The following PCDHB8 variants were observed in gnomAD, a reference collection of about 807,000 sequenced individuals.
PCDHB8 encodes the protein protocadherin beta-8.
For synonymous variants in PCDHB8, 385 were observed against 448.5 expected, an observed-to-expected ratio of 0.86 and a Z score of 1.79; for missense variants, 836 against 1,004.0, an observed-to-expected ratio of 0.83 and a Z score of 2.26.
rs1442377535 is a variant in PCDHB8 at position 141,180,539 on chromosome 5, A to G, written c.*99A>G. On this transcript the variant is annotated 3_prime_UTR_variant, in exon 1 of 1. Coordinates refer to ENST00000239444, the MANE Select transcript of PCDHB8 (RefSeq NM_019120.5). ...TTTAAATTACACTACATTTGCCCATAGTATTTGTCTTGTTTTCACTGTTTT... is the reference window on the plus strand; with the variant it reads ...TTTAAATTACACTACATTTGCCCATGGTATTTGTCTTGTTTTCACTGTTTT... 1.6e-5 allele frequency: 15 copies of G among 936,604 alleles called. No individual in the cohort carries two copies. The highest frequency in any genetic ancestry group is 2.3e-5 in the Non-Finnish European group (15 of 655,294). The allele number at this position is 936,604 out of a possible 1,614,324, so 58.0% of individuals were successfully genotyped here. A position where few individuals can be genotyped will look rare whatever the true frequency, so the allele number is the denominator to read the frequency against.
In PCDHB8 at chr5:141,179,774, G is replaced by A. The variant is rs782215919; in HGVS notation, c.1740G>A (p.Ala580=). 6.2e-7 allele frequency: 1 copy of A among 1,610,756 alleles called. No individual in the cohort carries two copies. Among genetic ancestry groups the A allele is most frequent in the African/African-American group, 1.3e-5 (1 of 74,862 alleles). ...CCTGCACCGAGCTGGTGCCCCGGGC[G>A]GCCGAGCCGGGCTACCTGGTGACCA... ...SAPCTELVPR[A]AEPGYLVTKV... The change falls in exon 1 of 1, where the codon GCG becomes GCA. Residue 580 remains alanine, a synonymous_variant. Coordinates refer to ENST00000239444, the MANE Select transcript of PCDHB8 (RefSeq NM_019120.5).
chr5:141,180,138 T>C lies in PCDHB8; in HGVS notation c.2104T>C (p.Phe702Leu), dbSNP rs17844508. 6.2e-7 allele frequency: 1 copy of C among 1,611,470 alleles called. No homozygotes were observed. The highest frequency in any genetic ancestry group is 8.5e-7 in the Non-Finnish European group (1 of 1,179,866). Residue 702 changes from phenylalanine (F) to leucine (L), a missense_variant, in exon 1 of 1, where the codon TTC becomes CTC. Phe to Leu is a conservative substitution (Grantham distance 22, BLOSUM62 0). Transcript: ENST00000239444. ...VVALASVSSL[F>L]LFSVLLFVAV... is the part of the protein sequence containing the mutation. ...GGCGTTGGCCTCGGTGTCTTCGCTC[T>C]TCCTCTTCTCGGTGCTCCTGTTCGT...
At position 141,180,204 on chromosome 5, in the gene PCDHB8, G is replaced by A. The variant is rs782123508; in HGVS notation, c.2170G>A (p.Gly724Ser). Reference sequence around the variant, plus strand: ...TAGGAGGAGCAGGGCGGCCTCGGTGGGTCGCTGCTCAGTGCCTGAGGGCCC... The same window carrying A: ...TAGGAGGAGCAGGGCGGCCTCGGTGAGTCGCTGCTCAGTGCCTGAGGGCCC... ...LCRRSRAASV[G>S]RCSVPEGPFP... is the part of the protein sequence containing the mutation. Residue 724 changes from glycine (G) to serine (S), a missense_variant, in exon 1 of 1, where the codon GGT becomes AGT. Gly to Ser is a moderately conservative substitution (Grantham distance 56, BLOSUM62 0). Coordinates refer to ENST00000239444, the MANE Select transcript of PCDHB8 (RefSeq NM_019120.5). The A allele has an allele frequency of 1.1e-5, 17 of 1,612,566 alleles. No homozygotes were observed. The highest frequency in any genetic ancestry group is 8.3e-5 in the Admixed American group (5 of 59,978).
At position 141,180,249 on chromosome 5, in the gene PCDHB8, G is replaced by C. The variant is rs782299140; in HGVS notation, c.2215G>C (p.Asp739His). 122 of 1,613,604 alleles carry C rather than the reference G, an allele frequency of 7.6e-5. No individual in the cohort carries two copies. Among genetic ancestry groups the C allele is most frequent in the Middle Eastern group, 1.7e-4 (1 of 5,756 alleles). Residue 739 changes from aspartate to histidine, a missense_variant, in exon 1 of 1, where the codon GAC (aspartate) becomes CAC (histidine). Coordinates refer to ENST00000239444, the MANE Select transcript of PCDHB8 (RefSeq NM_019120.5). Reference protein sequence around the residue: ...PEGPFPGHLVDVRGTGSLSQN... With the variant: ...PEGPFPGHLVHVRGTGSLSQN... ...GGGCCCCTTTCCAGGGCATCTGGTGGACGTGAGGGGCACCGGGAGCCTGTC... is the reference window on the plus strand; with the variant it reads ...GGGCCCCTTTCCAGGGCATCTGGTGCACGTGAGGGGCACCGGGAGCCTGTC...
rs140250360 is a variant in PCDHB8 at position 141,179,382 on chromosome 5, C to T, written c.1348C>T (p.Pro450Ser). ...VLVSDVNDNA[P>S]AFTQTSYTLF... Reference sequence around the variant, plus strand: ...GGTGTCGGACGTCAATGACAACGCCCCCGCCTTCACCCAAACCTCCTACAC... The same window carrying T: ...GGTGTCGGACGTCAATGACAACGCCTCCGCCTTCACCCAAACCTCCTACAC... Residue 450 changes from proline to serine, a missense_variant, in exon 1 of 1, where the codon CCC (proline) becomes TCC (serine). Pro to Ser is a moderately conservative substitution (Grantham distance 74, BLOSUM62 -1). Coordinates refer to ENST00000239444, the MANE Select transcript of PCDHB8 (RefSeq NM_019120.5). The T allele has an allele frequency of 7.8e-5, 126 of 1,614,078 alleles. No homozygotes were observed. The Admixed American group carries it at 2.1e-3, about 26-fold the overall frequency.
In PCDHB8 at chr5:141,178,017, C is replaced by G. The variant is rs1753421133; in HGVS notation, c.-18C>G. The G allele has an allele frequency of 6.2e-7, 1 of 1,613,706 alleles. No individual in the cohort carries two copies. Among genetic ancestry groups the G allele is most frequent in the Non-Finnish European group, 8.5e-7 (1 of 1,179,972 alleles). ...CCCACAGAACCGTCCTCCCAGGAAG[C>G]TGAATTCAGCAAGAACAATGGAGGC... is the stretch of plus-strand genomic sequence containing the variant. On this transcript the variant is annotated 5_prime_UTR_variant, in exon 1 of 1. Transcript: ENST00000239444.
In PCDHB8 at chr5:141,179,834, C is replaced by T. The variant is rs781996928; in HGVS notation, c.1800C>T (p.Asn600=). ...CGGTGGACGGCGACTCGGGCCAGAA[C>T]GCCTGGCTGTCGTACCAGCTGCTCA... ...VVAVDGDSGQ[N]AWLSYQLLKA... is the part of the protein sequence containing the mutation. The change falls in exon 1 of 1, where the codon AAC becomes AAT. Residue 600 remains asparagine (N), a synonymous_variant. Transcript: ENST00000239444. 50 of 1,608,234 alleles carry T rather than the reference C, an allele frequency of 3.1e-5. No individual in the cohort carries two copies. The highest frequency in any genetic ancestry group is 2.2e-4 in the East Asian group (10 of 44,848).
In PCDHB8 at chr5:141,179,810, G is replaced by A. The variant is rs199819904; in HGVS notation, c.1776G>A (p.Ala592=). The change falls in exon 1 of 1, where the codon GCG becomes GCA. Residue 592 remains alanine (A), a synonymous_variant. Coordinates refer to ENST00000239444, the MANE Select transcript of PCDHB8 (RefSeq NM_019120.5). ...GCTACCTGGTGACCAAGGTGGTGGCGGTGGACGGCGACTCGGGCCAGAACG... is the reference window on the plus strand; with the variant it reads ...GCTACCTGGTGACCAAGGTGGTGGCAGTGGACGGCGACTCGGGCCAGAACG... The part of the protein sequence containing the change: ...EPGYLVTKVV[A]VDGDSGQNAW... 6.2e-7 allele frequency: 1 copy of A among 1,610,334 alleles called. No individual in the cohort carries two copies. The highest frequency in any genetic ancestry group is 8.5e-7 in the Non-Finnish European group (1 of 1,179,524).
At position 141,179,059 on chromosome 5, in the gene PCDHB8, A is replaced by G; in HGVS notation, c.1025A>G (p.Asn342Ser). The G allele has an allele frequency of 6.2e-7, 1 of 1,614,238 alleles. No homozygotes were observed. The highest frequency in any genetic ancestry group is 1.1e-5 in the South Asian group (1 of 91,088). Residue 342 changes from asparagine to serine, a missense_variant, in exon 1 of 1, where the codon AAC becomes AGC. Asn to Ser is a conservative substitution (Grantham distance 46). Coordinates refer to ENST00000239444, the MANE Select transcript of PCDHB8 (RefSeq NM_019120.5). Reference protein sequence around the residue: ...CTVLIQVIDVNDHAPEVTMSA... With the variant: ...CTVLIQVIDVSDHAPEVTMSA... ...GTTCTGATTCAAGTGATAGATGTGA[A>G]CGACCATGCCCCAGAAGTTACCATG...
Position 141,180,352 on chromosome 5 carries a change from C to T in PCDHB8, c.2318C>T (p.Pro773Leu). 2 of 1,614,126 alleles carry T rather than the reference C, an allele frequency of 1.2e-6. No individual in the cohort carries two copies. Among genetic ancestry groups the T allele is most frequent in the Middle Eastern group, 1.7e-4 (1 of 6,056 alleles). The change falls in exon 1 of 1, where the codon CCT becomes CTT. Residue 773 changes from proline (P) to leucine (L), a missense_variant. Physicochemically the swap from Pro to Leu is moderately conservative, Grantham distance 98 (BLOSUM62 -3). Transcript: ENST00000239444. ...TTCCAGCTCCTGAAACCAGTATTAC[C>T]TAATATTCAGGGCCATTCTTTTGGG... ...NEFQLLKPVL[P>L]NIQGHSFGPE...
chr5:141,180,490 G>A lies in PCDHB8; in HGVS notation c.*50G>A. The A allele has an allele frequency of 9.2e-6, 12 of 1,309,736 alleles. No homozygotes were observed. Among genetic ancestry groups the A allele is most frequent in the Non-Finnish European group, 1.2e-5 (12 of 984,214 alleles). The allele number at this position is 1,309,736 out of a possible 1,614,324, so 81.1% of individuals were successfully genotyped here. ...TTTTTATGATCAATTCAAAGGAATGGTTTTCTGTCAACTTAGCATAAATTT... is the reference window on the plus strand; with the variant it reads ...TTTTTATGATCAATTCAAAGGAATGATTTTCTGTCAACTTAGCATAAATTT... On this transcript the variant is annotated 3_prime_UTR_variant, in exon 1 of 1. Coordinates refer to ENST00000239444, the MANE Select transcript of PCDHB8 (RefSeq NM_019120.5).
In PCDHB8 at chr5:141,178,064, A is replaced by C. The variant is rs1189580663; in HGVS notation, c.30A>C (p.Arg10Ser). The C allele has an allele frequency of 8.1e-6, 13 of 1,613,360 alleles. No homozygotes were observed. The highest frequency in any genetic ancestry group is 1.0e-5 in the Non-Finnish European group (12 of 1,179,950). The change falls in exon 1 of 1, where the codon AGA becomes AGC. Residue 10 changes from arginine to serine, a missense_variant. Coordinates refer to ENST00000239444, the MANE Select transcript of PCDHB8 (RefSeq NM_019120.5). ...AGGCCAGCGGGAAGCTCATTTGCAG[A>C]CAAAGGCAAGTCCTTTTTTCCTTTC... MEASGKLIC[R>S]QRQVLFSFLL...
rs200405692 is a variant in PCDHB8 at position 141,178,810 on chromosome 5, G to C, written c.776G>C (p.Ser259Thr). The C allele has an allele frequency of 1.4e-5, 22 of 1,614,042 alleles. No homozygotes were observed. In the East Asian group the frequency reaches 4.7e-4, roughly 34 times the overall value. Reference protein sequence around the residue: ...RVQISEDSPISFLVVKVSATD... With the variant: ...RVQISEDSPITFLVVKVSATD... ...CAGATCTCTGAGGACAGTCCAATAA[G>C]CTTCCTGGTTGTGAAGGTCTCTGCC... Residue 259 changes from serine to threonine, a missense_variant, in exon 1 of 1, where the codon AGC (serine) becomes ACC (threonine). By Grantham distance (58) the Ser-to-Thr change is moderately conservative. Coordinates refer to ENST00000239444, the MANE Select transcript of PCDHB8 (RefSeq NM_019120.5).
In PCDHB8 at chr5:141,179,206, C is replaced by A. The variant is rs782670751; in HGVS notation, c.1172C>A (p.Pro391His). The A allele has an allele frequency of 3.7e-6, 6 of 1,614,152 alleles. No individual in the cohort carries two copies. In the East Asian group the frequency reaches 1.1e-4, roughly 30 times the overall value. Residue 391 changes from proline to histidine, a missense_variant, in exon 1 of 1, where the codon CCC (proline) becomes CAC (histidine). Transcript: ENST00000239444. ...AGTTGCTCCATTCAGGAGGATCTAC[C>A]CTTCCTCCTGAAATCTTCTGTGGGG... ...KISCSIQEDL[P>H]FLLKSSVGNF...
Position 141,180,381 on chromosome 5 carries a change from G to C in PCDHB8, c.2347G>C (p.Glu783Gln). ...PNIQGHSFGPEMEQNSNFRNG... is the reference protein window; with the variant it reads ...PNIQGHSFGPQMEQNSNFRNG... ...TATTCAGGGCCATTCTTTTGGGCCA[G>C]AAATGGAACAAAACTCTAACTTTAG... Residue 783 changes from glutamate to glutamine, a missense_variant, in exon 1 of 1, where the codon GAA becomes CAA. By Grantham distance (29) the Glu-to-Gln change is conservative (BLOSUM62 2). Transcript: ENST00000239444. 6.2e-7 allele frequency: 1 copy of C among 1,611,270 alleles called. No homozygotes were observed. The highest frequency in any genetic ancestry group is 8.5e-7 in the Non-Finnish European group (1 of 1,177,578).
In PCDHB8 at chr5:141,178,454, G is replaced by C. The variant is rs2149656545; in HGVS notation, c.420G>C (p.Leu140Phe). ...CAGTATTTCTGGACAAACAAATGTT[G>C]GTGAAAGTATCAGAGAGCAGTCCTC... ...HSPVFLDKQMLVKVSESSPPG... is the reference protein window; with the variant it reads ...HSPVFLDKQMFVKVSESSPPG... The change falls in exon 1 of 1, where the codon TTG becomes TTC. Residue 140 changes from leucine (L) to phenylalanine (F), a missense_variant. Transcript: ENST00000239444. The C allele has an allele frequency of 6.2e-7, 1 of 1,613,962 alleles. No individual in the cohort carries two copies. The highest frequency in any genetic ancestry group is 2.2e-5 in the East Asian group (1 of 44,862).
chr5:141,180,365 C>A lies in PCDHB8; in HGVS notation c.2331C>A (p.Gly777=), dbSNP rs1011616291. 6.2e-7 allele frequency: 1 copy of A among 1,613,402 alleles called. No homozygotes were observed. The change falls in exon 1 of 1, where the codon GGC becomes GGA. Residue 777 remains glycine, a synonymous_variant. Coordinates refer to ENST00000239444, the MANE Select transcript of PCDHB8 (RefSeq NM_019120.5). ...LLKPVLPNIQ[G]HSFGPEMEQN... is the part of the protein sequence containing the mutation. ...AACCAGTATTACCTAATATTCAGGG[C>A]CATTCTTTTGGGCCAGAAATGGAAC...
chr5:141,180,244 T>C lies in PCDHB8; in HGVS notation c.2210T>C (p.Leu737Pro). The change falls in exon 1 of 1, where the codon CTG (leucine) becomes CCG (proline). Residue 737 changes from leucine (L) to proline (P), a missense_variant. By Grantham distance (98) the Leu-to-Pro change is moderately conservative. Coordinates refer to ENST00000239444, the MANE Select transcript of PCDHB8 (RefSeq NM_019120.5). The part of the protein sequence containing the change: ...SVPEGPFPGH[L>P]VDVRGTGSLS... ...CCTGAGGGCCCCTTTCCAGGGCATC[T>C]GGTGGACGTGAGGGGCACCGGGAGC... The C allele has an allele frequency of 6.2e-7, 1 of 1,613,660 alleles. No individual in the cohort carries two copies. Among genetic ancestry groups the C allele is most frequent in the Non-Finnish European group, 8.5e-7 (1 of 1,179,964 alleles).
At position 141,178,126 on chromosome 5, in the gene PCDHB8, C is replaced by G. The variant is rs1422248263; in HGVS notation, c.92C>G (p.Pro31Arg). The G allele has an allele frequency of 6.2e-7, 1 of 1,609,308 alleles. No homozygotes were observed. The highest frequency in any genetic ancestry group is 1.7e-5 in the Admixed American group (1 of 59,722). Residue 31 changes from proline (P) to arginine (R), a missense_variant, in exon 1 of 1, where the codon CCT (proline) becomes CGT (arginine). Coordinates refer to ENST00000239444, the MANE Select transcript of PCDHB8 (RefSeq NM_019120.5). The stretch of plus-strand genomic sequence containing the variant: ...TTATCTCTGGCGGGCGCGGCGGAAC[C>G]TAGAAGCTATTCTGTGGTGGAGGAA... ...LGLSLAGAAE[P>R]RSYSVVEETE...
Sources: allele counts gnomAD v4.1 joint callset, GRCh38; gene constraint gnomAD v4.1.1; transcripts MANE v1.5; gene names NCBI Gene and HGNC (gene_info 2026-07-23, HGNC 2026-07-21).